The following TYW1B variants were observed in gnomAD, a reference collection of about 807,000 sequenced individuals.
The protein encoded by TYW1B is S-adenosyl-L-methionine-dependent tRNA 4-demethylwyosine synthase TYW1B.
A neutral mutation model predicts 86.9 loss-of-function variants in TYW1B; 73 were observed. That is an observed-to-expected ratio of 0.84 (90% confidence interval 0.70 to 1.02). The LOEUF is 1.02. Ranked by LOEUF, TYW1B falls within the 50% of genes least tolerant of loss-of-function variation. The pLI, the probability that TYW1B is intolerant of heterozygous loss-of-function variation, is 0.00. For missense variants in TYW1B, 637 were observed against 827.4 expected (o/e 0.77, Z 2.82); for synonymous variants, 248 against 292.8 (o/e 0.85, Z 1.56).
chr7:72,739,585 GAC>G, intron 8 of TYW1B, among the ~76,000 whole-genome samples: 1 of 149,436 alleles, frequency 6.7e-6, no homozygotes, highest in Admixed American at 6.7e-5. Flanking sequence ...CAGCCTGGGT[GAC>G]AGAGTGAGAC....
At chr7:72,719,458 A>G (rs1563071076) in intron 9 of TYW1B, among the ~76,000 whole-genome samples, 1 of 151,724 alleles carries the variant, frequency 6.6e-6, no homozygotes, top group Non-Finnish European at 1.5e-5. Flanking sequence ...GTGAAACCCC[A>G]TCTCTACCAA....
At chr7:72,818,852 G>A (rs1326472200) in intron 2 of TYW1B, among the ~76,000 whole-genome samples, 5 of 151,902 alleles carry the variant, frequency 3.3e-5, no homozygotes, top group Non-Finnish European at 7.4e-5. Context: ...TCACGAGGAC[G>A]GTACAAGGGA....
chr7:72,808,361 G>A (rs1788535233), intron 4 of TYW1B, among the ~76,000 whole-genome samples: 1 of 151,880 alleles, frequency 6.6e-6, no homozygotes, highest in African/African-American at 2.4e-5. Context: ...AAGGTGGGAG[G>A]ATCACCTGAG....
At chr7:72,640,195 G>A (rs2129569009) in intron 11 of TYW1B, among the ~76,000 whole-genome samples, 1 of 151,612 alleles carries the variant, frequency 6.6e-6, no homozygotes, top group Middle Eastern at 3.4e-3. Flanking sequence ...GAAAAGGGGA[G>A]GAAAATAATG....
intron 9 of TYW1B, chr7:72,722,941 G>A (rs1270996478): frequency 1.7e-5 from 12 of 712,986 alleles, no homozygotes; most frequent in East Asian, 2.8e-5. Context: ...CCAGCGCTTC[G>A]ACCTTTACCA....
intron 8 of TYW1B, among the ~76,000 whole-genome samples, chr7:72,738,506 C>A (rs1295338150): frequency 6.6e-6 from 1 of 152,174 alleles, no homozygotes; most frequent in Non-Finnish European, 1.5e-5. Flanking sequence ...CTAGATAATC[C>A]TTTGTTGCGG....
rs1246278108 is a variant in TYW1B, at chr7:72,644,919, C to T, written c.1507-15922G>A. Among the ~76,000 whole-genome samples, 3 of 151,402 alleles carry T rather than the reference C, an allele frequency of 2.0e-5. 1 individual carries two copies. In the South Asian group the frequency reaches 6.3e-4, roughly 32 times the overall value. ...CTCGGCTCACTGCAACCTCTGCCTC[C>T]CGGGTTCAAGCGATTCTCCTGCCTC... is the stretch of plus-strand genomic sequence containing the variant. On this transcript the variant is annotated intron_variant, in intron 11 of 13. Coordinates refer to ENST00000620995, the MANE Select transcript of TYW1B (RefSeq NM_001145440.3).
chr7:72,818,006 C>G (rs1428784519), intron 2 of TYW1B, among the ~76,000 whole-genome samples: 1 of 151,416 alleles, frequency 6.6e-6, no homozygotes, highest in Non-Finnish European at 1.5e-5. Flanking sequence ...CCAGACTCTA[C>G]TTTCCTACCT....
intron 9 of TYW1B, among the ~76,000 whole-genome samples, chr7:72,718,681 G>A (rs1223642112): frequency 2.0e-5 from 3 of 152,118 alleles, no homozygotes; most frequent in Non-Finnish European, 4.4e-5. Context: ...GTAAAACAAG[G>A]TTTTTAAATA....
chr7:72,717,314 A>G (rs1177336137), intron 9 of TYW1B, among the ~76,000 whole-genome samples: 2 of 151,890 alleles, frequency 1.3e-5, no homozygotes, highest in East Asian at 3.9e-4. Context: ...AAAAAAAAAA[A>G]AAAATCATGC....
At chr7:72,765,418 A>G (rs1203810304) in intron 7 of TYW1B, among the ~76,000 whole-genome samples, 1 of 152,144 alleles carries the variant, frequency 6.6e-6, no homozygotes, top group Middle Eastern at 3.2e-3. Flanking sequence ...ATTTCCTCCA[A>G]TACTTGGTCA....
chr7:72,684,078 C>G (rs1813946279), intron 11 of TYW1B, among the ~76,000 whole-genome samples: 1 of 152,096 alleles, frequency 6.6e-6, no homozygotes, highest in Admixed American at 6.6e-5. Flanking sequence ...TATTCAGGAG[C>G]TGTGGGATAA....
intron 11 of TYW1B, among the ~76,000 whole-genome samples, chr7:72,662,007 C>G (rs1813338992): frequency 6.6e-6 from 1 of 152,004 alleles, no homozygotes; most frequent in Non-Finnish European, 1.5e-5. Context: ...CCTACCAAAC[C>G]CAAAAAATGG....
chr7:72,662,110 C>G (rs1418918492), intron 11 of TYW1B, among the ~76,000 whole-genome samples: 2 of 152,156 alleles, frequency 1.3e-5, no homozygotes, highest in African/African-American at 4.8e-5. Flanking sequence ...GACAAATGGA[C>G]CTACAACCTG....
At chr7:72,592,999 T>C (rs1446214418) in intron 13 of TYW1B, among the ~76,000 whole-genome samples, 3 of 152,100 alleles carry the variant, frequency 2.0e-5, no homozygotes, top group African/African-American at 7.2e-5. Context: ...CAGAGAAAGA[T>C]AAGCAAGAAA....
chr7:72,632,357 A>ACACG (rs1554439990), intron 11 of TYW1B, among the ~76,000 whole-genome samples: 73 of 120,342 alleles, frequency 6.1e-4, no homozygotes, highest in African/African-American at 2.3e-3. Context: ...TATATATATT[A>ACACG]TATATATACG....
At chr7:72,717,432 T>C (rs1289704095) in intron 9 of TYW1B, among the ~76,000 whole-genome samples, 1 of 152,044 alleles carries the variant, frequency 6.6e-6, no homozygotes, top group Admixed American at 6.6e-5. Flanking sequence ...CAACCTGCAT[T>C]CCACAGGAAG....
chr7:72,617,335 A>G (rs1289812435), intron 12 of TYW1B, among the ~76,000 whole-genome samples: 1 of 152,156 alleles, frequency 6.6e-6, no homozygotes, highest in African/African-American at 2.4e-5. Flanking sequence ...CTTTTTCCTT[A>G]AAGTGACAGA....
intron 7 of TYW1B, among the ~76,000 whole-genome samples, chr7:72,753,832 A>C (rs556946225): frequency 6.6e-6 from 1 of 152,244 alleles, no homozygotes; most frequent in South Asian, 2.1e-4. Context: ...ATGTTTTTTA[A>C]ATTACTTTTT....
Sources: gnomAD v4.1 joint callset for allele counts (sites outside exome capture counted in the v4.1 genomes callset) on GRCh38, gnomAD v4.1.1 for gene constraint, MANE v1.5 for transcripts, NCBI Gene and HGNC (gene_info 2026-07-23, HGNC 2026-07-21) for gene names.